SZT2: variants seen among roughly 807,000 people sequenced by gnomAD.
The protein encoded by SZT2 is KICSTOR complex protein SZT2.
SZT2 carries 216 observed loss-of-function variants against 404.2 expected under a neutral mutation model. That is an observed-to-expected ratio of 0.53 (90% CI 0.48 to 0.60). The LOEUF (loss-of-function observed/expected upper bound fraction) is 0.60, where lower values mean the gene tolerates loss of function less well. SZT2 is among the 20% of genes least tolerant of loss of function. SZT2 has a pLI of 0.00. For missense variants in SZT2, 3,857 were observed against 4,459.2 expected (o/e 0.86, Z 3.85); for synonymous variants, 1,693 against 1,749.9 (o/e 0.97, Z 0.81).
Position 43,403,231 on chromosome 1 carries a change from C to A in SZT2, c.82C>A (p.Arg28=), listed in dbSNP as rs776627066. 1.2e-6 allele frequency: 2 copies of A among 1,613,998 alleles called. No individual in the cohort carries two copies. Among genetic ancestry groups the A allele is most frequent in the African/African-American group, 2.7e-5 (2 of 74,918 alleles). Residue 28 remains arginine (R), a synonymous_variant, in exon 2 of 72, where the codon CGA becomes AGA. Transcript: ENST00000634258. The stretch of plus-strand genomic sequence containing the variant: ...AATGAAAAAGGATTATCGAATCTCC[C>A]GAAATGTTCGCCTGGCTTGGTTCCT... ...LLMKKDYRIS[R]NVRLAWFLSH...
intron 1 of SZT2, among the ~76,000 whole-genome samples, chr1:43,398,754 ATAAC>A (rs1458320156): frequency 6.6e-6 from 1 of 152,226 alleles, no homozygotes; most frequent in Admixed American, 6.5e-5. Flanking sequence ...GTAGTCAGGA[ATAAC>A]TATCTACTTT....
At chr1:43,406,335 T>C (rs1382134419) in intron 4 of SZT2, 3 of 226,556 alleles carry the variant, frequency 1.3e-5, no homozygotes, top group Non-Finnish European at 1.8e-5. Context: ...TGACCTCAAG[T>C]GATCCACCTG....
rs749539584 is a variant in SZT2 at position 43,432,753 on chromosome 1, A to G, written c.5556A>G (p.Gly1852=). ...QGGSQPGPSR[G]LSLMSSQGSV... is the part of the protein sequence containing the mutation. ...GGAGTCAGCCTGGGCCCAGCCGGGG[A>G]TTAAGTCTCATGTCCAGTCAGGGCA... Residue 1852 remains glycine (G), a synonymous_variant, in exon 39 of 72, where the codon GGA becomes GGG. Transcript: ENST00000634258. 6.2e-6 allele frequency: 10 copies of G among 1,613,870 alleles called. No homozygotes were observed. Among genetic ancestry groups the G allele is most frequent in the South Asian group, 1.1e-5 (1 of 91,036 alleles).
At chr1:43,400,490 A>G (rs955148591) in intron 1 of SZT2, among the ~76,000 whole-genome samples, 7 of 152,152 alleles carry the variant, frequency 4.6e-5, no homozygotes, top group African/African-American at 1.7e-4. Context: ...TACACTTACT[A>G]CTTACGTTGA....
In SZT2 at chr1:43,424,461, C is replaced by A; in HGVS notation, c.2471+29C>A. 1 of 1,593,130 alleles carries A rather than the reference C, an allele frequency of 6.3e-7. No individual in the cohort carries two copies. On this transcript the variant is annotated intron_variant, in intron 16 of 71. Coordinates refer to ENST00000634258, the MANE Select transcript of SZT2 (RefSeq NM_001365999.1). The surrounding 1 kb of genome is among the most constrained non-coding windows in gnomAD (Gnocchi z 4.1). ...TGTCATCCAAGCCTGCCAGGTCACT[C>A]GGGGCAAGGAGAGAGCAAGTGTAGA...
chr1:43,412,143 AAT>A, intron 4 of SZT2: 1 of 152,140 alleles, frequency 6.6e-6, no homozygotes, highest in East Asian at 1.9e-4. Flanking sequence ...CAACCCTTAA[AAT>A]GAGACCCAAA....
rs1656003714 is a variant in SZT2, at chr1:43,448,729, G to C, written c.10086+1G>C. Reference sequence around the variant, plus strand: ...CCCAGACTTGGGAACTCAGTACCTGGTAAGTCCCCTTGAGCTTCCTCTGAA... The same window carrying C: ...CCCAGACTTGGGAACTCAGTACCTGCTAAGTCCCCTTGAGCTTCCTCTGAA... On this transcript the variant is annotated splice_donor_variant, in intron 70 of 71. Coordinates refer to ENST00000634258, the MANE Select transcript of SZT2 (RefSeq NM_001365999.1). LOFTEE classifies it high-confidence loss of function. The surrounding 1 kb of genome is among the most constrained non-coding windows in gnomAD (Gnocchi z 4.2). The C allele has an allele frequency of 1.9e-6, 3 of 1,613,516 alleles. No individual in the cohort carries two copies. Among genetic ancestry groups the C allele is most frequent in the African/African-American group, 1.3e-5 (1 of 74,916 alleles).
In SZT2 at chr1:43,431,359, C is replaced by T; in HGVS notation, c.5011C>T (p.Pro1671Ser). ...TGGCCTCGGGCCCCCACTGCCACCC[C>T]CAGAAGAGGAGAGGTACTTCTTTAT... ...DDGLGPPLPP[P>S]EEERHPGLSN... Residue 1671 changes from proline (P) to serine (S), a missense_variant, in exon 34 of 72, where the codon CCA (proline) becomes TCA (serine). Around this residue, in one of 7 missense-constraint regions of SZT2, gnomAD observed 1,725 missense variants for 1,881.0 expected, o/e 0.92. Coordinates refer to ENST00000634258, the MANE Select transcript of SZT2 (RefSeq NM_001365999.1). 6.2e-7 allele frequency: 1 copy of T among 1,612,380 alleles called. No individual in the cohort carries two copies. Among genetic ancestry groups the T allele is most frequent in the Non-Finnish European group, 8.5e-7 (1 of 1,178,590 alleles).
rs1302378170 is a variant in SZT2, at chr1:43,415,149, A to G, written c.566A>G (p.Gln189Arg). ...GTGTTCCTGCAGCAGATATATGAGC[A>G]GCTCTGCCTCTTTGAGGATAAGGTG... ...REVFLQQIYE[Q>R]LCLFEDKVAT... Residue 189 changes from glutamine to arginine, a missense_variant, in exon 5 of 72, where the codon CAG (glutamine) becomes CGG (arginine). This residue lies in a region of SZT2 where 536 missense variants were observed against 637.4 expected (regional missense o/e 0.84). Transcript: ENST00000634258. 4 of 1,598,164 alleles carry G rather than the reference A, an allele frequency of 2.5e-6. No homozygotes were observed. Among genetic ancestry groups the G allele is most frequent in the Non-Finnish European group, 3.4e-6 (4 of 1,179,616 alleles).
rs1400348138 is a variant in SZT2, at chr1:43,423,253, A to C, written c.2192A>C (p.Gln731Pro). The stretch of plus-strand genomic sequence containing the variant: ...TCACCCCCCGTGCTGGGGCCACAGC[A>C]GGCCCTGTCTGACCGGCCCTGCCTT... The part of the protein sequence containing the change: ...SKSPPVLGPQ[Q>P]ALSDRPCLVV... Residue 731 changes from glutamine (Q) to proline (P), a missense_variant, in exon 15 of 72, where the codon CAG becomes CCG. Around this residue, in one of 7 missense-constraint regions of SZT2, gnomAD observed 1,725 missense variants for 1,881.0 expected, o/e 0.92. Coordinates refer to ENST00000634258, the MANE Select transcript of SZT2 (RefSeq NM_001365999.1). 6.3e-7 allele frequency: 1 copy of C among 1,582,814 alleles called. No individual in the cohort carries two copies. Among genetic ancestry groups the C allele is most frequent in the Admixed American group, 1.7e-5 (1 of 58,034 alleles).
At position 43,440,026 on chromosome 1, in the gene SZT2, A is replaced by G. The variant is rs768460899; in HGVS notation, c.7188A>G (p.Leu2396=). The part of the protein sequence containing the change: ...IIELQLLPAS[L]CTEDTPTGSL... The stretch of plus-strand genomic sequence containing the variant: ...AGCTTCAGCTGCTGCCAGCTTCACT[A>G]TGTACAGAGGACACACCCACAGGTA... Residue 2396 remains leucine, a synonymous_variant, in exon 51 of 72, where the codon CTA becomes CTG. Coordinates refer to ENST00000634258, the MANE Select transcript of SZT2 (RefSeq NM_001365999.1). 6 of 1,614,048 alleles carry G rather than the reference A, an allele frequency of 3.7e-6. No individual in the cohort carries two copies. Among genetic ancestry groups the G allele is most frequent in the Admixed American group, 3.3e-5 (2 of 60,012 alleles).
In SZT2 at chr1:43,434,882, C is replaced by T. The variant is rs372680088; in HGVS notation, c.5905-318C>T. 2.9e-4 allele frequency among the ~76,000 whole-genome samples: 44 copies of T among 152,326 alleles called. 4 individuals are homozygous for T. Among genetic ancestry groups the T allele is most frequent in the Admixed American group, 1.6e-3 (24 of 15,300 alleles). ...CAATTGTGAAGAATCCTAAAAGGAA[C>T]AGTAGAAGCTGCTACGAAAGCATGT... is the stretch of plus-strand genomic sequence containing the variant. On this transcript the variant is annotated intron_variant, in intron 41 of 71. Transcript: ENST00000634258.
At chr1:43,423,791 A>G (rs1453055709) in intron 15 of SZT2, among the ~76,000 whole-genome samples, 106 of 82,720 alleles carry the variant, frequency 1.3e-3, no homozygotes, top group East Asian at 3.4e-3. Flanking sequence ...GAAGGGTGTG[A>G]CTTAGGGGGG....
intron 27 of SZT2, 50 bp downstream of exon 27, chr1:43,428,168 A>C: frequency 6.2e-7 from 1 of 1,611,682 alleles, no homozygotes; most frequent in Non-Finnish European, 8.5e-7. Context: ...CGGGAGATAC[A>C]GGGATTACAG....
chr1:43,437,840 C>T lies in SZT2; in HGVS notation c.6446C>T (p.Ala2149Val). 6.2e-7 allele frequency: 1 copy of T among 1,614,162 alleles called. No individual in the cohort carries two copies. Among genetic ancestry groups the T allele is most frequent in the Non-Finnish European group, 8.5e-7 (1 of 1,180,020 alleles). ...GTCTCTAGCCGCAGTTCAGATGCTG[C>T]TCGTCCTGTGGGCCAAGTGGACAGA... is the stretch of plus-strand genomic sequence containing the variant. ...DMVSSRSSDAARPVGQVDRHI... is the reference protein window; with the variant it reads ...DMVSSRSSDAVRPVGQVDRHI... The change falls in exon 46 of 72, where the codon GCT becomes GTT. Residue 2149 changes from alanine (A) to valine (V), a missense_variant. Physicochemically the swap from Ala to Val is moderately conservative, Grantham distance 64. Coordinates refer to ENST00000634258, the MANE Select transcript of SZT2 (RefSeq NM_001365999.1). The surrounding 1 kb of genome is among the most constrained non-coding windows in gnomAD (Gnocchi z 5.3).
Position 43,432,549 on chromosome 1 carries a change from C to A in SZT2, c.5475C>A (p.Ser1825=). 6.2e-7 allele frequency: 1 copy of A among 1,613,244 alleles called. No individual in the cohort carries two copies. The change falls in exon 38 of 72, where the codon TCC becomes TCA. Residue 1825 remains serine (S), a synonymous_variant. Coordinates refer to ENST00000634258, the MANE Select transcript of SZT2 (RefSeq NM_001365999.1). The part of the protein sequence containing the change: ...TLTASPQAPG[S]PEDSEGVPLI... ...CAGCCAGCCCCCAAGCACCTGGGTCCCCAGAGGATTCTGAGGGTGTCCCCC... is the reference window on the plus strand; with the variant it reads ...CAGCCAGCCCCCAAGCACCTGGGTCACCAGAGGATTCTGAGGGTGTCCCCC...
At chr1:43,421,343 A>G (rs1652338680) in intron 11 of SZT2, 40 bp downstream of exon 11, 1 of 1,591,756 alleles carries the variant, frequency 6.3e-7, no homozygotes, top group African/African-American at 1.3e-5. Context: ...TTTCATGTCA[A>G]CTTGGGTTGC....
At position 43,421,002 on chromosome 1, in the gene SZT2, C is replaced by A. The variant is rs770870042; in HGVS notation, c.1496+19C>A. 2 of 1,597,082 alleles carry A rather than the reference C, an allele frequency of 1.3e-6. No individual in the cohort carries two copies. Among genetic ancestry groups the A allele is most frequent in the African/African-American group, 2.7e-5 (2 of 74,902 alleles). The stretch of plus-strand genomic sequence containing the variant: ...TGCAGAGGTCAGTGAAGTCATCACT[C>A]AATGAGTGCTGCCCCATTTGTTGTA... On this transcript the variant is annotated intron_variant, in intron 10 of 71. Coordinates refer to ENST00000634258, the MANE Select transcript of SZT2 (RefSeq NM_001365999.1).
At position 43,450,477 on chromosome 1, in the gene SZT2, C is replaced by T. The variant is rs2153937441; in HGVS notation, c.10296C>T (p.Leu3432=). Residue 3432 remains leucine, a synonymous_variant, in exon 72 of 72, where the codon CTC becomes CTT. Coordinates refer to ENST00000634258, the MANE Select transcript of SZT2 (RefSeq NM_001365999.1). The surrounding 1 kb of genome is among the most constrained non-coding windows in gnomAD (Gnocchi z 4.3). The part of the protein sequence containing the change: ...TACFTLWTRL[L] The stretch of plus-strand genomic sequence containing the variant: ...GTTTCACCCTCTGGACCCGCCTCCT[C>T]TGAGGGAGTGGACTGGACCACTGAA... 6.2e-7 allele frequency: 1 copy of T among 1,614,138 alleles called. No homozygotes were observed. Among genetic ancestry groups the T allele is most frequent in the Non-Finnish European group, 8.5e-7 (1 of 1,179,998 alleles).
Sources: gnomAD v4.1 joint callset for allele counts (sites outside exome capture counted in the v4.1 genomes callset) on GRCh38, gnomAD v4.1.1 for gene constraint, gnomAD v4.1.1 regional missense constraint, Gnocchi (gnomAD v3.1) non-coding constraint, MANE v1.5 for transcripts, NCBI Gene and HGNC (gene_info 2026-07-23, HGNC 2026-07-21) for gene names.